The following TIMD4 variants were observed in gnomAD, a reference collection of about 807,000 sequenced individuals.
TIMD4 encodes the protein T cell immunoglobulin and mucin domain containing 4, also known as T-cell immunoglobulin and mucin domain-containing protein 4.
TIMD4 carries 31 observed loss-of-function variants against 41.2 expected under a neutral mutation model. The observed-to-expected ratio is 0.75, with a 90% CI of 0.57 to 1.01. The LOEUF (loss-of-function observed/expected upper bound fraction) is 1.01, where lower values mean the gene tolerates loss of function less well. Among genes scored for constraint, TIMD4 ranks in the 50% least tolerant of loss-of-function variants. The pLI is 0.00. For missense variants in TIMD4, 479 were observed against 472.5 expected (o/e 1.01, Z -0.13); for synonymous variants, 204 against 177.1 (o/e 1.15, Z -1.21).
chr5:156,930,172 G>T (rs1759420953), intron 5 of TIMD4, among the ~76,000 whole-genome samples: 1 of 152,060 alleles, frequency 6.6e-6, no homozygotes, highest in African/African-American at 2.4e-5. Flanking sequence ...ATGTTGCCCA[G>T]ACCAGTCTCA....
intron 5 of TIMD4, among the ~76,000 whole-genome samples, chr5:156,944,672 T>A (rs1054438793): frequency 6.6e-6 from 1 of 151,908 alleles, no homozygotes; most frequent in South Asian, 2.1e-4. Flanking sequence ...GCCTGGCTAA[T>A]TTTTTGTATT....
intron 1 of TIMD4, among the ~76,000 whole-genome samples, chr5:156,957,595 T>TAA (rs1759997762): frequency 6.9e-6 from 1 of 145,368 alleles, no homozygotes; most frequent in Non-Finnish European, 1.5e-5. Context: ...AGGAGAAAAA[T>TAA]AAGAAGTTTA....
chr5:156,944,964 T>C (rs1385737215), intron 5 of TIMD4, among the ~76,000 whole-genome samples: 2 of 152,146 alleles, frequency 1.3e-5, no homozygotes, highest in Admixed American at 1.3e-4. Context: ...GAACAATGAT[T>C]GACAAGACCC....
chr5:156,954,062 T>A (rs1759915795), intron 2 of TIMD4, among the ~76,000 whole-genome samples: 1 of 152,334 alleles, frequency 6.6e-6, no homozygotes, highest in South Asian at 2.1e-4. Context: ...TGCAGTTTTT[T>A]TATTATTTTG....
At chr5:156,941,960 T>G (rs1759658564) in intron 5 of TIMD4, among the ~76,000 whole-genome samples, 1 of 152,012 alleles carries the variant, frequency 6.6e-6, no homozygotes, top group Non-Finnish European at 1.5e-5. Flanking sequence ...CTTTGCAAAA[T>G]AAAAAGATAC....
At chr5:156,943,895 CAA>C (rs70984420) in intron 5 of TIMD4, among the ~76,000 whole-genome samples, 10 of 127,606 alleles carry the variant, frequency 7.8e-5, no homozygotes, top group African/African-American at 1.2e-4. Context: ...ACTAAAAATA[CAA>C]AAAAAAAAAA....
chr5:156,955,052 G>A (rs1759946061), intron 1 of TIMD4, among the ~76,000 whole-genome samples: 1 of 151,842 alleles, frequency 6.6e-6, no homozygotes, highest in Non-Finnish European at 1.5e-5. Context: ...TAATTTTTGT[G>A]TTGCTTTTGT....
At position 156,926,285 on chromosome 5, in the gene TIMD4, T is replaced by A; in HGVS notation, c.872A>T (p.Asn291Ile). 1 of 1,613,698 alleles carries A rather than the reference T, an allele frequency of 6.2e-7. No homozygotes were observed. Among genetic ancestry groups the A allele is most frequent in the African/African-American group, 1.3e-5 (1 of 75,054 alleles). ...GASDTAVPEQ[N>I]KTTKTGQMDG... ...TACCTGTCCTGTTTTTGTTGTTTTG[T>A]TCTGCTCAGGAACTGCTGTATCAGA... is the stretch of plus-strand genomic sequence containing the variant. Residue 291 changes from asparagine to isoleucine, a missense_variant, in exon 6 of 9, where the codon AAC becomes ATC. Coordinates refer to ENST00000274532, the MANE Select transcript of TIMD4 (RefSeq NM_138379.3).
In TIMD4 at chr5:156,948,406, G is replaced by A; in HGVS notation, c.844+10C>T. ...GTAAAATAAAATAAAAAAAATCACA[G>A]CCCCCCTACCTCCAGGCTGAGGAGA... On this transcript the variant is annotated intron_variant, in intron 5 of 8. Coordinates refer to ENST00000274532, the MANE Select transcript of TIMD4 (RefSeq NM_138379.3). The A allele has an allele frequency of 1.5e-6, 2 of 1,378,018 alleles. No homozygotes were observed. The highest frequency in any genetic ancestry group is 1.5e-5 in the African/African-American group (1 of 66,736). 85.4% of individuals were successfully genotyped at this position (1,378,018 alleles called of 1,614,324 possible).
At chr5:156,923,679 C>T (rs539532877) in intron 6 of TIMD4, among the ~76,000 whole-genome samples, 10 of 151,414 alleles carry the variant, frequency 6.6e-5, no homozygotes, top group Admixed American at 1.3e-4. Context: ...GCTGGGACTA[C>T]AGGCATGCAT....
intron 6 of TIMD4, among the ~76,000 whole-genome samples, chr5:156,925,882 G>A (rs889025526): frequency 6.6e-5 from 10 of 151,912 alleles, no homozygotes; most frequent in Non-Finnish European, 1.2e-4. Context: ...AAACCTCTGC[G>A]GATTTTTTGT....
chr5:156,945,630 GAATTTT>G (rs1759725686), intron 5 of TIMD4, among the ~76,000 whole-genome samples: 1 of 152,142 alleles, frequency 6.6e-6, no homozygotes, highest in South Asian at 2.1e-4. Flanking sequence ...GGGAGTGAAA[GAATTTT>G]ATTTCTATCT....
At chr5:156,942,482 A>T (rs1448826128) in intron 5 of TIMD4, among the ~76,000 whole-genome samples, 4 of 152,210 alleles carry the variant, frequency 2.6e-5, no homozygotes, top group African/African-American at 9.7e-5. Context: ...CTGGAAGTTC[A>T]TAGACACAAG....
At chr5:156,949,158 C>T (rs564249124) in intron 4 of TIMD4, among the ~76,000 whole-genome samples, 82 of 152,310 alleles carry the variant, frequency 5.4e-4, no homozygotes, top group Non-Finnish European at 1.0e-3. Flanking sequence ...GCCCCAGTAA[C>T]TACCTAAAGA....
chr5:156,961,319 T>C (rs879762364), intron 1 of TIMD4, among the ~76,000 whole-genome samples: 2 of 152,206 alleles, frequency 1.3e-5, no homozygotes, highest in Admixed American at 6.6e-5. Flanking sequence ...GGAAACAGTA[T>C]GGTGATTCCT....
chr5:156,925,794 T>C (rs1055953070), intron 6 of TIMD4, among the ~76,000 whole-genome samples: 1 of 152,270 alleles, frequency 6.6e-6, no homozygotes, highest in Non-Finnish European at 1.5e-5. Flanking sequence ...TACAAGTCTA[T>C]AAATTATTGG....
intron 5 of TIMD4, among the ~76,000 whole-genome samples, chr5:156,944,732 C>A (rs907103466): frequency 1.3e-5 from 2 of 152,012 alleles, no homozygotes; most frequent in African/African-American, 4.8e-5. Context: ...GTCTCGATCT[C>A]CTGATTTCGT....
At chr5:156,950,043 C>T (rs1471964268) in intron 3 of TIMD4, among the ~76,000 whole-genome samples, 1 of 152,126 alleles carries the variant, frequency 6.6e-6, no homozygotes, top group Non-Finnish European at 1.5e-5. Context: ...GTCTCAAACC[C>T]CTGACCTTAA....
chr5:156,919,619 A>G, intron 8 of TIMD4, 78 bp from the exon 9 acceptor site: 1 of 1,189,078 alleles, frequency 8.4e-7, no homozygotes, highest in Non-Finnish European at 1.2e-6. Context: ...GCTAAGTTAC[A>G]GTGCAATTAC....
Sources: allele counts gnomAD v4.1 joint callset (sites outside exome capture counted in the v4.1 genomes callset), GRCh38; gene constraint gnomAD v4.1.1; transcripts MANE v1.5; gene names NCBI Gene and HGNC (gene_info 2026-07-23, HGNC 2026-07-21).